Variants in NUBPL observed in about 807,000 individuals in gnomAD.
NUBPL encodes NUBP iron-sulfur cluster assembly factor, mitochondrial.
A neutral mutation model predicts 45.7 loss-of-function variants in NUBPL; 31 were observed. That is an observed-to-expected ratio of 0.68 (90% CI 0.51 to 0.92). The LOEUF (loss-of-function observed/expected upper bound fraction) is 0.92. NUBPL is among the 40% of genes least tolerant of loss of function. The pLI is 0.00. For missense variants in NUBPL, 401 were observed against 398.7 expected (o/e 1.01, Z -0.05); for synonymous variants, 144 against 140.9 (o/e 1.02, Z -0.15).
intron 4 of NUBPL, among the ~76,000 whole-genome samples, chr14:31,646,205 G>T (rs960005636): frequency 4.7e-5 from 7 of 149,948 alleles, no homozygotes; most frequent in Non-Finnish European, 3.0e-5. Context: ...CTTTTTTTTT[G>T]AGACTGAGTC....
At chr14:31,800,951 A>G (rs1028700940) in intron 7 of NUBPL, 8 of 152,254 alleles carry the variant, frequency 5.3e-5, no homozygotes, top group African/African-American at 1.9e-4. Context: ...TGAAGCAACT[A>G]GTTACAAAGG....
At chr14:31,849,728 GCCTCCCCATATTTTTCTCTTCAGTTT>G (rs1250511634) in intron 9 of NUBPL, among the ~76,000 whole-genome samples, 2 of 152,046 alleles carry the variant, frequency 1.3e-5, no homozygotes, top group East Asian at 3.9e-4. Flanking sequence ...GAACTACTTT[GCCTCCCCATATTTTTCTCTTCAGTTT>G]CCTCTTATTA....
intron 7 of NUBPL, among the ~76,000 whole-genome samples, chr14:31,791,208 G>T (rs1276022077): frequency 6.6e-6 from 1 of 152,168 alleles, no homozygotes; most frequent in Non-Finnish European, 1.5e-5. Flanking sequence ...AGCCCTGGAG[G>T]TCGAGGATGC....
chr14:31,746,049 A>G (rs1008597619), intron 6 of NUBPL, among the ~76,000 whole-genome samples: 7 of 152,036 alleles, frequency 4.6e-5, no homozygotes, highest in Non-Finnish European at 8.8e-5. Context: ...AAATTGTCTA[A>G]AAACTTCTTG....
rs78569835 is a variant in NUBPL, at chr14:31,605,802, C to T, written c.382+6423C>T. Reference sequence around the variant, plus strand: ...CTTCTTCTTTTCCTTCCTCCTCCTCCTCTTCCTCCTCCCTTCTCCTTTCTC... The same window carrying T: ...CTTCTTCTTTTCCTTCCTCCTCCTCTTCTTCCTCCTCCCTTCTCCTTTCTC... On this transcript the variant is annotated intron_variant, in intron 4 of 10. Coordinates refer to ENST00000281081, the MANE Select transcript of NUBPL (RefSeq NM_025152.3). Among the ~76,000 whole-genome samples the T allele has an allele frequency of 5.8e-3, 862 of 148,442 alleles. 10 individuals carry two copies. The highest frequency in any genetic ancestry group is 0.02 in the African/African-American group (818 of 40,104).
chr14:31,701,589 T>G (rs1392061266), intron 6 of NUBPL, among the ~76,000 whole-genome samples: 1 of 152,234 alleles, frequency 6.6e-6, no homozygotes, highest in African/African-American at 2.4e-5. Context: ...TGCGAAGGTC[T>G]GCAGCTTCAC....
intron 4 of NUBPL, among the ~76,000 whole-genome samples, chr14:31,641,650 A>G (rs2139701466): frequency 6.6e-6 from 1 of 152,326 alleles, no homozygotes; most frequent in African/African-American, 2.4e-5. Flanking sequence ...GTGGAAGTGC[A>G]GTATCTGTTT....
At chr14:31,647,651 G>A (rs570238769) in intron 4 of NUBPL, among the ~76,000 whole-genome samples, 117 of 152,298 alleles carry the variant, frequency 7.7e-4, no homozygotes, top group African/African-American at 2.7e-3. Flanking sequence ...GAGTTTCCAG[G>A]GCTAGGGATG....
At chr14:31,589,780 A>G (rs773890735) in intron 3 of NUBPL, among the ~76,000 whole-genome samples, 12 of 152,182 alleles carry the variant, frequency 7.9e-5, no homozygotes, top group Admixed American at 2.0e-4. Flanking sequence ...GGCACATAGC[A>G]TTAGGTACAA....
chr14:31,827,577 T>C (rs1446068287), intron 8 of NUBPL, among the ~76,000 whole-genome samples: 2 of 152,226 alleles, frequency 1.3e-5, no homozygotes, highest in Non-Finnish European at 2.9e-5. Context: ...GTCAACATGA[T>C]GCTTCTCTGT....
chr14:31,858,602 T>C (rs548452214), intron 10 of NUBPL, among the ~76,000 whole-genome samples: 6 of 152,188 alleles, frequency 3.9e-5, no homozygotes, highest in African/African-American at 1.4e-4. Flanking sequence ...TTTTGCATGA[T>C]ATCCATTTTT....
At chr14:31,620,067 A>T (rs1045914129) in intron 4 of NUBPL, among the ~76,000 whole-genome samples, 9 of 151,600 alleles carry the variant, frequency 5.9e-5, no homozygotes, top group African/African-American at 1.9e-4. Flanking sequence ...CTTCTGCTTG[A>T]TCAATTCAGC....
At chr14:31,700,531 G>A (rs2037308417) in intron 6 of NUBPL, among the ~76,000 whole-genome samples, 1 of 152,136 alleles carries the variant, frequency 6.6e-6, no homozygotes, top group Non-Finnish European at 1.5e-5. Context: ...CTCTGCTTGC[G>A]GGGAGGTGTG....
chr14:31,610,147 A>G (rs1034445742), intron 4 of NUBPL, among the ~76,000 whole-genome samples: 6 of 152,170 alleles, frequency 3.9e-5, no homozygotes, highest in Non-Finnish European at 8.8e-5. Context: ...AAAGATTGAC[A>G]GAATTGACAA....
At chr14:31,667,353 C>T (rs2036457770) in intron 4 of NUBPL, among the ~76,000 whole-genome samples, 2 of 151,814 alleles carry the variant, frequency 1.3e-5, no homozygotes, top group Admixed American at 1.3e-4. Flanking sequence ...ACTATTGATA[C>T]TTGTGTATGC....
chr14:31,793,841 AT>A lies in NUBPL; in HGVS notation c.607+5979del, dbSNP rs1217047489. ...CCCCTTATCTTTCTTTTTTTTTTTT[AT>A]TTTTTTTTTTATTTTTTCCCAATGC... On this transcript the variant is annotated intron_variant, in intron 7 of 10. Transcript: ENST00000281081. Among the ~76,000 whole-genome samples, 12 of 64,394 alleles carry A rather than the reference AT, an allele frequency of 1.9e-4. 1 individual carries two copies. The highest frequency in any genetic ancestry group is 6.1e-4 in the African/African-American group (12 of 19,816). 42.2% of individuals were successfully genotyped at this position (64,394 alleles called of 152,430 possible). A position where few individuals can be genotyped will look rare whatever the true frequency, so the allele number is the denominator to read the frequency against.
chr14:31,715,313 T>G (rs1224768557), intron 6 of NUBPL, among the ~76,000 whole-genome samples: 1 of 152,240 alleles, frequency 6.6e-6, no homozygotes, highest in Non-Finnish European at 1.5e-5. Flanking sequence ...TATTCCACTT[T>G]TATAGGCTTA....
At chr14:31,799,642 AT>A (rs1315587779) in intron 7 of NUBPL, among the ~76,000 whole-genome samples, 1 of 152,200 alleles carries the variant, frequency 6.6e-6, no homozygotes, top group Non-Finnish European at 1.5e-5. Flanking sequence ...TGTATACAAC[AT>A]TATGTCTTTA....
intron 6 of NUBPL, among the ~76,000 whole-genome samples, chr14:31,684,088 C>T (rs1172525007): frequency 1.3e-5 from 2 of 152,200 alleles, no homozygotes; most frequent in Non-Finnish European, 2.9e-5. Flanking sequence ...TAGCTAAGGG[C>T]ATGGACTCAG....
Sources: allele counts gnomAD v4.1 joint callset (sites outside exome capture counted in the v4.1 genomes callset), GRCh38; gene constraint gnomAD v4.1.1; transcripts MANE v1.5; gene names NCBI Gene and HGNC (gene_info 2026-07-23, HGNC 2026-07-21).